CEP112: variants seen among roughly 807,000 people sequenced by gnomAD.
CEP112 encodes centrosomal protein 112.
Under a neutral mutation model 153.0 loss-of-function variants are expected in CEP112, and 127 were observed. The ratio of observed to expected loss-of-function variants is 0.83; its 90% CI spans 0.72 to 0.96. The LOEUF is 0.96. CEP112 is among the 40% of genes least tolerant of loss of function. The probability of loss-of-function intolerance (pLI) is 0.00; values close to 1 mark genes in which losing one functional copy is unlikely to be tolerated. For synonymous variants in CEP112, 358 were observed against 374.4 expected (o/e 0.96, Z 0.51); for missense variants, 1,089 against 1,101.2 (o/e 0.99, Z 0.16).
At chr17:66,176,072 A>C (rs951692750) in intron 3 of CEP112, among the ~76,000 whole-genome samples, 1 of 152,202 alleles carries the variant, frequency 6.6e-6, no homozygotes, top group Non-Finnish European at 1.5e-5. Flanking sequence ...GGAAAACAGG[A>C]ATTATTCTCT....
At chr17:65,773,178 C>G (rs936516936) in intron 21 of CEP112, among the ~76,000 whole-genome samples, 1 of 152,158 alleles carries the variant, frequency 6.6e-6, no homozygotes, top group Non-Finnish European at 1.5e-5. Context: ...AAGGTACAGA[C>G]GCTTGAGGAA....
At chr17:66,174,881 G>C (rs1010499825) in intron 4 of CEP112, among the ~76,000 whole-genome samples, 163 bp downstream of exon 4, 2 of 152,072 alleles carry the variant, frequency 1.3e-5, no homozygotes, top group Non-Finnish European at 2.9e-5. Flanking sequence ...AAGTTAACAG[G>C]TATCTATTAA....
intron 18 of CEP112, among the ~76,000 whole-genome samples, chr17:65,944,935 T>TA (rs1349927016): frequency 6.6e-6 from 1 of 152,150 alleles, no homozygotes; most frequent in Admixed American, 6.5e-5. Context: ...ATTAACATTC[T>TA]AAAAAACATT....
intron 5 of CEP112, among the ~76,000 whole-genome samples, chr17:66,132,108 G>T (rs1418651784): frequency 7.3e-6 from 1 of 137,720 alleles, no homozygotes; most frequent in Non-Finnish European, 1.5e-5. Context: ...GGCGGAGGTT[G>T]CAGTGAGCCA....
chr17:66,054,283 C>T (rs867235091), intron 11 of CEP112, among the ~76,000 whole-genome samples: 4 of 152,202 alleles, frequency 2.6e-5, no homozygotes, highest in African/African-American at 4.8e-5. Flanking sequence ...CCTATTTGCA[C>T]GGAATTTTGT....
intron 23 of CEP112, among the ~76,000 whole-genome samples, chr17:65,728,011 T>C (rs1287105788): frequency 6.6e-6 from 1 of 152,218 alleles, no homozygotes; most frequent in African/African-American, 2.4e-5. Flanking sequence ...AATCTAGCAT[T>C]TACCTTGGTT....
intron 17 of CEP112, among the ~76,000 whole-genome samples, chr17:66,004,646 C>T (rs940339480): frequency 3.3e-5 from 5 of 152,124 alleles, no homozygotes; most frequent in South Asian, 2.1e-4. Context: ...TCTTGTGATG[C>T]CATAGTTTAT....
chr17:65,916,289 G>GTGTGTGTGTGTATGTATGTGTA (rs777844271), intron 19 of CEP112, among the ~76,000 whole-genome samples: 1 of 147,248 alleles, frequency 6.8e-6, no homozygotes, highest in Non-Finnish European at 1.5e-5. Context: ...GTGTGTGTGT[G>GTGTGTGTGTGTATGTATGTGTA]TGTATGTGTG....
At chr17:65,833,805 C>T (rs914221453) in intron 21 of CEP112, among the ~76,000 whole-genome samples, 1 of 152,122 alleles carries the variant, frequency 6.6e-6, no homozygotes, top group Non-Finnish European at 1.5e-5. Flanking sequence ...AATGCTATAC[C>T]TACCAAACTG....
chr17:65,699,996 C>T (rs1376013409), intron 23 of CEP112, among the ~76,000 whole-genome samples: 3 of 152,064 alleles, frequency 2.0e-5, no homozygotes, highest in South Asian at 2.1e-4. Context: ...TCTGTTGCAC[C>T]GGGCACTATT....
chr17:65,756,366 A>G (rs772735326), intron 21 of CEP112, among the ~76,000 whole-genome samples: 1 of 135,410 alleles, frequency 7.4e-6, no homozygotes, highest in Admixed American at 8.8e-5. Context: ...AGATCGTGCC[A>G]TTGCACTCCA....
chr17:65,647,426 G>A (rs1471552679), intron 24 of CEP112, among the ~76,000 whole-genome samples: 1 of 150,462 alleles, frequency 6.6e-6, no homozygotes, highest in East Asian at 2.0e-4. Flanking sequence ...ACCCACCTTG[G>A]CCTCCCAAAG....
intron 21 of CEP112, among the ~76,000 whole-genome samples, chr17:65,805,389 AC>A (rs2055540192): frequency 6.6e-6 from 1 of 152,210 alleles, no homozygotes; most frequent in South Asian, 2.1e-4. Flanking sequence ...GCATAAAGTA[AC>A]AACTGAAAGA....
chr17:66,142,026 A>T (rs1235210133), intron 4 of CEP112, among the ~76,000 whole-genome samples: 1 of 152,190 alleles, frequency 6.6e-6, no homozygotes, highest in Non-Finnish European at 1.5e-5. Context: ...TTTTCTCCAA[A>T]TCCTGGACAA....
chr17:65,647,150 C>T (rs890733667), intron 24 of CEP112, among the ~76,000 whole-genome samples: 5 of 150,268 alleles, frequency 3.3e-5, no homozygotes, highest in Admixed American at 1.3e-4. Flanking sequence ...AGTTTATATT[C>T]CTATATATCA....
chr17:65,899,711 T>C (rs991976719), intron 20 of CEP112, among the ~76,000 whole-genome samples: 2 of 152,102 alleles, frequency 1.3e-5, no homozygotes, highest in African/African-American at 2.4e-5. Flanking sequence ...AACAAAGCCA[T>C]AGATTTCAAA....
At chr17:65,863,796 T>C (rs2058392792) in intron 20 of CEP112, among the ~76,000 whole-genome samples, 1 of 146,062 alleles carries the variant, frequency 6.8e-6, no homozygotes, top group Non-Finnish European at 1.5e-5. Flanking sequence ...GAAGACAGAC[T>C]ATTAGGAGGT....
rs568172750 is a variant in CEP112 at position 65,897,294 on chromosome 17, T to C, written c.2163+4858A>G. Among the ~76,000 whole-genome samples, 8 of 152,290 alleles carry C rather than the reference T, an allele frequency of 5.3e-5. No homozygotes were observed. The South Asian group carries it at 1.7e-3, about 32-fold the overall frequency. On this transcript the variant is annotated intron_variant, in intron 20 of 26. Transcript: ENST00000535342. ...CTACCTCAGGACCAAGCAAATGGCA[T>C]TAATGGATAAATATTAGTGATGAAA...
chr17:65,690,707 C>T (rs981749337), intron 23 of CEP112, among the ~76,000 whole-genome samples: 1 of 152,110 alleles, frequency 6.6e-6, no homozygotes. Flanking sequence ...ATAGCCACTG[C>T]ATGTGGAATG....
Sources: allele counts gnomAD v4.1 joint callset (sites outside exome capture counted in the v4.1 genomes callset), GRCh38; gene constraint gnomAD v4.1.1; transcripts MANE v1.5; gene names NCBI Gene and HGNC (gene_info 2026-07-23, HGNC 2026-07-21).